The following RBFOX1 variants were observed in gnomAD, a reference collection of about 807,000 sequenced individuals.
RBFOX1 encodes the protein RNA binding protein fox-1 homolog 1.
RBFOX1 carries 8 observed loss-of-function variants against 57.7 expected under a neutral mutation model. That is an observed-to-expected ratio of 0.14 (90% CI 0.08 to 0.25). The LOEUF (loss-of-function observed/expected upper bound fraction) is 0.25, where lower values mean the gene tolerates loss of function less well. RBFOX1 is among the 10% of genes least tolerant of loss of function. The probability of loss-of-function intolerance (pLI) is 1.00; values close to 1 mark genes in which losing one functional copy is unlikely to be tolerated. For missense variants in RBFOX1, 611 were observed against 548.5 expected (o/e 1.11, Z -1.14); for synonymous variants, 326 against 222.4 (o/e 1.47, Z -4.15).
intron 2 of RBFOX1, among the ~76,000 whole-genome samples, chr16:6,614,894 T>A (rs2098120996): frequency 6.6e-6 from 1 of 152,210 alleles, no homozygotes; most frequent in African/African-American, 2.4e-5. Context: ...ATGTTTGCAT[T>A]TGGAGGTATC....
At chr16:7,153,066 A>G (rs995473558) in intron 4 of RBFOX1, among the ~76,000 whole-genome samples, 3 of 152,186 alleles carry the variant, frequency 2.0e-5, no homozygotes, top group African/African-American at 7.2e-5. Context: ...GAACCATGGC[A>G]TGGTCTAATA....
intron 3 of RBFOX1, among the ~76,000 whole-genome samples, chr16:6,671,647 G>C (rs1261717717): frequency 1.3e-5 from 2 of 152,060 alleles, no homozygotes; most frequent in Non-Finnish European, 2.9e-5. Context: ...CCCAAAGTCC[G>C]TTCTATCATT....
intron 4 of RBFOX1, among the ~76,000 whole-genome samples, chr16:7,217,556 C>G (rs539255966): frequency 6.6e-6 from 1 of 151,928 alleles, no homozygotes; most frequent in Non-Finnish European, 1.5e-5. Flanking sequence ...CACTCTTTAT[C>G]TTATCCCTCA....
intron 4 of RBFOX1, among the ~76,000 whole-genome samples, chr16:5,874,411 A>T (rs2057553626): frequency 1.3e-5 from 2 of 152,194 alleles, no homozygotes; most frequent in Admixed American, 1.3e-4. Flanking sequence ...ACACATTGAA[A>T]GGTGATCCGA....
At chr16:5,690,935 G>C (rs1271558800) in intron 3 of RBFOX1, among the ~76,000 whole-genome samples, 1 of 152,132 alleles carries the variant, frequency 6.6e-6, no homozygotes, top group African/African-American at 2.4e-5. Flanking sequence ...GACAGTTTCA[G>C]AGAGACTGTA....
intron 3 of RBFOX1, among the ~76,000 whole-genome samples, chr16:6,882,297 G>A (rs2063109642): frequency 6.6e-6 from 1 of 152,180 alleles, no homozygotes; most frequent in Non-Finnish European, 1.5e-5. Context: ...AACAACCTGT[G>A]CACTGGGTCT....
At chr16:6,065,652 G>A (rs889698) in intron 1 of RBFOX1, among the ~76,000 whole-genome samples, 8,186 of 152,120 alleles carry the variant, frequency 0.054, 704 homozygotes, top group African/African-American at 0.18. Context: ...ATTTCTCCTC[G>A]TCTTTGAGAT....
In RBFOX1 at chr16:7,211,017, C is replaced by T. The variant is rs139805981; in HGVS notation, c.27+158919C>T. 1.5e-4 allele frequency among the ~76,000 whole-genome samples: 22 copies of T among 151,270 alleles called. No homozygotes were observed. The East Asian group carries it at 3.9e-3, about 27-fold the overall frequency. On this transcript the variant is annotated intron_variant, in intron 4 of 15. Transcript: ENST00000550418. ...AAATTGCTTGACTACATAATCACTT[C>T]ACTCTGTATGTGGAAGTCAAGATAA...
At chr16:5,755,996 T>C (rs1033774463) in intron 3 of RBFOX1, among the ~76,000 whole-genome samples, 3 of 151,752 alleles carry the variant, frequency 2.0e-5, no homozygotes, top group Admixed American at 1.3e-4. Flanking sequence ...ACCTCAGAGG[T>C]CATGGTGAAA....
intron 3 of RBFOX1, among the ~76,000 whole-genome samples, chr16:6,959,211 C>T (rs1053746498): frequency 1.3e-5 from 2 of 152,158 alleles, no homozygotes; most frequent in South Asian, 2.1e-4. Context: ...TCAGATTGTA[C>T]TTAAAAAGTA....
intron 4 of RBFOX1, among the ~76,000 whole-genome samples, chr16:5,897,166 G>C (rs1044575403): frequency 6.6e-6 from 1 of 151,888 alleles, no homozygotes; most frequent in Non-Finnish European, 1.5e-5. Flanking sequence ...CTCCCCAGTA[G>C]CTGGGACTAC....
At chr16:6,637,080 T>C (rs1296155690) in intron 2 of RBFOX1, among the ~76,000 whole-genome samples, 7 of 65,736 alleles carry the variant, frequency 1.1e-4, no homozygotes, top group Admixed American at 8.9e-4. Context: ...ATGTTTAATA[T>C]ATATAATACA....
At chr16:7,278,828 A>G (rs1157547656) in intron 4 of RBFOX1, among the ~76,000 whole-genome samples, 1 of 152,230 alleles carries the variant, frequency 6.6e-6, no homozygotes, top group Non-Finnish European at 1.5e-5. Context: ...CTGCCAATGA[A>G]TTATGGAGCT....
chr16:6,550,987 T>C (rs11077047), intron 2 of RBFOX1, among the ~76,000 whole-genome samples: 3,330 of 152,254 alleles, frequency 0.022, 47 homozygotes, highest in Middle Eastern at 0.044. Context: ...ATTAATAGTT[T>C]GGAGGAGCAC....
At chr16:7,619,232 A>G (rs1333305425) in intron 10 of RBFOX1, among the ~76,000 whole-genome samples, 1 of 152,118 alleles carries the variant, frequency 6.6e-6, no homozygotes. Context: ...AAAAAAAACT[A>G]TTTGTATGAT....
At chr16:7,265,417 C>G (rs2095089586) in intron 4 of RBFOX1, among the ~76,000 whole-genome samples, 1 of 151,652 alleles carries the variant, frequency 6.6e-6, no homozygotes, top group Admixed American at 6.6e-5. Flanking sequence ...GTTTTCTTTT[C>G]TTTTCTTTCC....
Position 7,613,815 on chromosome 16 carries a change from A to G in RBFOX1, c.676+6477A>G, listed in dbSNP as rs1329532626. Among the ~76,000 whole-genome samples the G allele has an allele frequency of 4.6e-5, 7 of 152,034 alleles. No homozygotes were observed. In the South Asian group the frequency reaches 8.3e-4, roughly 18 times the overall value. ...ACCTCTTTTCAATTCCCTTCCTACAATTTGGATACAATAGCATCTGAGAAA... is the reference window on the plus strand; with the variant it reads ...ACCTCTTTTCAATTCCCTTCCTACAGTTTGGATACAATAGCATCTGAGAAA... On this transcript the variant is annotated intron_variant, in intron 10 of 15. Transcript: ENST00000550418.
chr16:5,302,332 C>T (rs890037556), intron 1 of RBFOX1, among the ~76,000 whole-genome samples: 1 of 152,074 alleles, frequency 6.6e-6, no homozygotes, highest in South Asian at 2.1e-4. Context: ...TTTAATGAGA[C>T]TAGCTTTATG....
intron 1 of RBFOX1, among the ~76,000 whole-genome samples, chr16:6,180,685 C>T (rs2097056055): frequency 6.6e-6 from 1 of 151,984 alleles, no homozygotes; most frequent in Non-Finnish European, 1.5e-5. Context: ...CCTGCCTCAG[C>T]CTCCTGAGTA....
Sources: gnomAD v4.1 joint callset for allele counts (sites outside exome capture counted in the v4.1 genomes callset) on GRCh38, gnomAD v4.1.1 for gene constraint, MANE v1.5 for transcripts, NCBI Gene and HGNC (gene_info 2026-07-23, HGNC 2026-07-21) for gene names.